GSPT1: variants seen among roughly 807,000 people sequenced by gnomAD.
GSPT1 encodes G1 to S phase transition 1.
Under a neutral mutation model 72.5 loss-of-function variants are expected in GSPT1, and 20 were observed. The observed-to-expected ratio is 0.28, with a 90% CI of 0.19 to 0.40. GSPT1 has a LOEUF of 0.40. Ranked by LOEUF, GSPT1 falls within the 10% of genes least tolerant of loss-of-function variation. The pLI, the probability that GSPT1 is intolerant of heterozygous loss-of-function variation, is 1.00. For missense variants in GSPT1, 580 were observed against 811.9 expected (o/e 0.71, Z 3.47); for synonymous variants, 334 against 293.5 (o/e 1.14, Z -1.41).
At chr16:11,892,161 C>G (rs2054269802) in intron 5 of GSPT1, among the ~76,000 whole-genome samples, 1 of 148,404 alleles carries the variant, frequency 6.7e-6, no homozygotes, top group Non-Finnish European at 1.5e-5. Context: ...CAGTGCAACA[C>G]AGTGAGACCA....
chr16:11,893,179 G>A (rs1032097768), intron 5 of GSPT1, among the ~76,000 whole-genome samples: 1 of 152,028 alleles, frequency 6.6e-6, no homozygotes, highest in Admixed American at 6.6e-5. Context: ...AGGATCAGTT[G>A]AGCACAGGAA....
intron 6 of GSPT1, 167 bp downstream of exon 6, chr16:11,890,895 A>G (rs1234010979): frequency 2.2e-6 from 1 of 462,302 alleles, no homozygotes; most frequent in African/African-American, 2.1e-5. Context: ...GTAAGTTATT[A>G]AAGCATTAGG....
At position 11,898,038 on chromosome 16, in the gene GSPT1, G is replaced by A. The variant is rs1331607517; in HGVS notation, c.353-3C>T. 2 of 1,532,814 alleles carry A rather than the reference G, an allele frequency of 1.3e-6. No homozygotes were observed. The highest frequency in any genetic ancestry group is 1.8e-6 in the Non-Finnish European group (2 of 1,129,448). 95.0% of individuals were successfully genotyped at this position (1,532,814 alleles called of 1,614,324 possible). ...CTCTTGAGAGGATTCCACAGGTGCT[G>A]TTTAACAGAAAGAAGTTCTATTAAA... On this transcript the variant is annotated splice_polypyrimidine_tract_variant and splice_region_variant and intron_variant, in intron 1 of 14. Transcript: ENST00000434724.
At position 11,915,502 on chromosome 16, in the gene GSPT1, G is replaced by C. The variant is rs779515377; in HGVS notation, c.219C>G (p.Ala73=). ...AAFSRQLNVN[A]KPFVPNVHAA... is the part of the protein sequence containing the mutation. ...CGTGGACGTTGGGCACGAAGGGCTT[G>C]GCGTTGACGTTGAGTTGCCGGCTGA... The change falls in exon 1 of 15, where the codon GCC becomes GCG. Residue 73 remains alanine, a synonymous_variant. Coordinates refer to ENST00000434724, the MANE Select transcript of GSPT1 (RefSeq NM_002094.4). 3 of 1,547,134 alleles carry C rather than the reference G, an allele frequency of 1.9e-6. No individual in the cohort carries two copies. Among genetic ancestry groups the C allele is most frequent in the Non-Finnish European group, 2.6e-6 (3 of 1,148,852 alleles).
At chr16:11,886,732 C>T (rs1362458673) in intron 8 of GSPT1, 45 bp downstream of exon 8, 3 of 1,582,688 alleles carry the variant, frequency 1.9e-6, no homozygotes, top group Admixed American at 1.7e-5. Flanking sequence ...ATAACAAAAC[C>T]ATCCTTAATC....
intron 5 of GSPT1, among the ~76,000 whole-genome samples, chr16:11,893,087 T>C (rs570453941): frequency 1.3e-5 from 2 of 151,770 alleles, no homozygotes; most frequent in South Asian, 4.2e-4. Context: ...TTTTTTGTTT[T>C]TGTTTGTTTT....
At chr16:11,891,009 TG>T in intron 6 of GSPT1, 52 bp downstream of exon 6, 1 of 779,440 alleles carries the variant, frequency 1.3e-6, no homozygotes, top group Non-Finnish European at 2.2e-6. Context: ...AAGCACTAAG[TG>T]GGCATCGTCT....
At chr16:11,897,967 G>A in intron 2 of GSPT1, 27 bp downstream of exon 2, 1 of 1,516,660 alleles carries the variant, frequency 6.6e-7, no homozygotes, top group Non-Finnish European at 9.0e-7. Flanking sequence ...GTTTTCTCAA[G>A]TAGACTTTCA....
intron 4 of GSPT1, chr16:11,895,344 T>C (rs1323323052): frequency 5.8e-6 from 1 of 173,438 alleles, no homozygotes; most frequent in Non-Finnish European, 1.2e-5. Context: ...GGCAGGAGAA[T>C]CGCGTGAACT....
At chr16:11,892,819 G>C (rs2054284279) in intron 5 of GSPT1, among the ~76,000 whole-genome samples, 1 of 77,272 alleles carries the variant, frequency 1.3e-5, no homozygotes, top group African/African-American at 6.6e-5. Flanking sequence ...GGGCGATAGA[G>C]ATTCTGTCTC....
Position 11,915,576 on chromosome 16 carries a change from A to AGCCGCC in GSPT1, c.139_144dup (p.Gly47_Gly48dup). 4 of 1,486,702 alleles carry AGCCGCC rather than the reference A, an allele frequency of 2.7e-6. No individual in the cohort carries two copies. Among genetic ancestry groups the AGCCGCC allele is most frequent in the East Asian group, 3.0e-5 (1 of 33,406 alleles). 92.1% of individuals were successfully genotyped at this position (1,486,702 alleles called of 1,614,324 possible). On this transcript the variant is annotated inframe_insertion, in exon 1 of 15. Transcript: ENST00000434724. ...TGGGCCTCGGCCGCCGCCGCCAGGG[A>AGCCGCC]GCCGCCGCCGCCGCAAGGGCCCGGC... is the stretch of plus-strand genomic sequence containing the variant.
chr16:11,884,179 A>C (rs2054158789), intron 10 of GSPT1, among the ~76,000 whole-genome samples: 1 of 152,200 alleles, frequency 6.6e-6, no homozygotes, highest in Non-Finnish European at 1.5e-5. Flanking sequence ...TATTTTTTTT[A>C]AGACGAACAT....
intron 5 of GSPT1, among the ~76,000 whole-genome samples, chr16:11,892,829 CAAA>C (rs57546698): frequency 1.7e-3 from 54 of 31,222 alleles, no homozygotes; most frequent in Middle Eastern, 0.033. Flanking sequence ...GATTCTGTCT[CAAA>C]AAAAAAAAAA....
intron 1 of GSPT1, among the ~76,000 whole-genome samples, chr16:11,901,100 T>G (rs1022153409): frequency 6.6e-6 from 1 of 152,182 alleles, no homozygotes; most frequent in Non-Finnish European, 1.5e-5. Context: ...AAGGTTGCAA[T>G]GAGACCTGAC....
chr16:11,914,284 T>C (rs2054597241), intron 1 of GSPT1, among the ~76,000 whole-genome samples: 1 of 152,194 alleles, frequency 6.6e-6, no homozygotes, highest in Admixed American at 6.5e-5. Flanking sequence ...AATCAGTACC[T>C]GAAAGCAAGC....
chr16:11,872,999 C>A lies in GSPT1; in HGVS notation c.*120G>T. The A allele has an allele frequency of 1.6e-6, 1 of 628,948 alleles. No homozygotes were observed. Among genetic ancestry groups the A allele is most frequent in the South Asian group, 2.2e-5 (1 of 44,466 alleles). 39.0% of individuals were successfully genotyped at this position (628,948 alleles called of 1,614,324 possible). On this transcript the variant is annotated 3_prime_UTR_variant, in exon 15 of 15. Transcript: ENST00000434724. ...TAATGTGGACTTTTGCTGTGAATTT[C>A]CTCTTTGCAAAATATGGGGAGAGGT...
intron 11 of GSPT1, among the ~76,000 whole-genome samples, chr16:11,879,137 C>T (rs1016166962): frequency 2.0e-5 from 3 of 151,780 alleles, no homozygotes; most frequent in Admixed American, 6.6e-5. Context: ...TGGCTCACAC[C>T]TGTAATCCCA....
At chr16:11,892,523 C>A (rs33641) in intron 5 of GSPT1, among the ~76,000 whole-genome samples, 30,591 of 111,152 alleles carry the variant, frequency 0.28, 5,198 homozygotes, top group East Asian at 0.47. Context: ...ACAAAAAAAA[C>A]AAAAAAAACA....
intron 1 of GSPT1, among the ~76,000 whole-genome samples, chr16:11,911,744 G>T (rs1199759938): frequency 6.6e-6 from 1 of 150,834 alleles, no homozygotes; most frequent in Non-Finnish European, 1.5e-5. Flanking sequence ...ATAGAGACAG[G>T]TTTCGCCACG....
Sources: gnomAD v4.1 joint callset for allele counts (sites outside exome capture counted in the v4.1 genomes callset) on GRCh38, gnomAD v4.1.1 for gene constraint, MANE v1.5 for transcripts, NCBI Gene and HGNC (gene_info 2026-07-23, HGNC 2026-07-21) for gene names.